Variants in DZIP1 observed in about 807,000 individuals in gnomAD.
DZIP1 encodes the protein cilium assembly protein DZIP1.
Under a neutral mutation model 107.6 loss-of-function variants are expected in DZIP1, and 97 were observed. That is an observed-to-expected ratio of 0.90 (90% CI 0.77 to 1.07). The LOEUF (loss-of-function observed/expected upper bound fraction) is 1.07. Ranked by LOEUF, DZIP1 falls within the 50% of genes least tolerant of loss-of-function variation. DZIP1 has a pLI of 0.00. For synonymous variants in DZIP1, 390 were observed against 386.4 expected, an observed-to-expected ratio of 1.01 and a Z score of -0.11; for missense variants, 1,035 against 1,063.6, an observed-to-expected ratio of 0.97 and a Z score of 0.37.
intron 10 of DZIP1, among the ~76,000 whole-genome samples, chr13:95,613,381 C>T (rs111308390): frequency 3.2e-4 from 48 of 151,950 alleles, no homozygotes; most frequent in South Asian, 1.5e-3. Flanking sequence ...GGTGTGGTGG[C>T]GGGCGCCTGT....
At position 95,629,842 on chromosome 13, in the gene DZIP1, T is replaced by C. The variant is rs531798594; in HGVS notation, c.810+147A>G. 8.5e-5 allele frequency: 62 copies of C among 730,402 alleles called. 1 individual carries two copies. The African/African-American group carries it at 9.5e-4, about 11-fold the overall frequency. 45.2% of individuals were successfully genotyped at this position (730,402 alleles called of 1,614,324 possible). A position where few individuals can be genotyped will look rare whatever the true frequency, so the allele number is the denominator to read the frequency against. ...TCCAGTGATGTGCTTTGTAGTAAGA[T>C]ACTAAAGAGTAGATTGGCAATAAAA... On this transcript the variant is annotated intron_variant, in intron 7 of 22. Coordinates refer to ENST00000376829, the MANE Select transcript of DZIP1 (RefSeq NM_198968.4).
At chr13:95,621,163 G>A (rs150936259) in intron 9 of DZIP1, among the ~76,000 whole-genome samples, 166 of 152,302 alleles carry the variant, frequency 1.1e-3, no homozygotes, top group Non-Finnish European at 1.4e-3. Flanking sequence ...ACTAAAGAAT[G>A]AGTAAAAGAC....
In DZIP1 at chr13:95,581,212, A is replaced by G. The variant is rs544249000; in HGVS notation, c.*1022T>C. 4 of 152,802 alleles carry G rather than the reference A, an allele frequency of 2.6e-5. No homozygotes were observed. Among genetic ancestry groups the G allele is most frequent in the East Asian group, 3.9e-4 (2 of 5,194 alleles). 9.5% of individuals were successfully genotyped at this position (152,802 alleles called of 1,614,324 possible). On this transcript the variant is annotated 3_prime_UTR_variant, in exon 23 of 23. Coordinates refer to ENST00000376829, the MANE Select transcript of DZIP1 (RefSeq NM_198968.4). ...TTAAAAGGTTACTTGGAAACAGAATATAGTATAACCAAGTTATAAAAATGC... is the reference window on the plus strand; with the variant it reads ...TTAAAAGGTTACTTGGAAACAGAATGTAGTATAACCAAGTTATAAAAATGC...
At chr13:95,585,262 G>T (rs1247375460) in intron 21 of DZIP1, among the ~76,000 whole-genome samples, 1 of 152,188 alleles carries the variant, frequency 6.6e-6, no homozygotes, top group African/African-American at 2.4e-5. Flanking sequence ...TTACCTCTGT[G>T]ATAATAATGA....
intron 5 of DZIP1, among the ~76,000 whole-genome samples, chr13:95,639,411 T>C (rs1303743982): frequency 3.9e-5 from 6 of 151,960 alleles, no homozygotes; most frequent in African/African-American, 1.4e-4. Flanking sequence ...GCCAACACGG[T>C]GAAACCTCGT....
Position 95,641,928 on chromosome 13 carries a change from G to T in DZIP1, c.36+66C>A. 1.3e-6 allele frequency: 2 copies of T among 1,490,844 alleles called. No homozygotes were observed. The highest frequency in any genetic ancestry group is 2.7e-5 in the South Asian group (2 of 73,806). The allele number at this position is 1,490,844 out of a possible 1,614,324, so 92.4% of individuals were successfully genotyped here. A position where few individuals can be genotyped will look rare whatever the true frequency, so the allele number is the denominator to read the frequency against. On this transcript the variant is annotated intron_variant, in intron 4 of 22. Coordinates refer to ENST00000376829, the MANE Select transcript of DZIP1 (RefSeq NM_198968.4). This position sits in a 1 kb window ranked among gnomAD's most constrained non-coding sequence, Gnocchi z 4.3. ...GGGCAGGCTGGGGAGCTGGGGGTCCGGGGAAGCCCCGGTTCTCCCCAGCCC... is the reference window on the plus strand; with the variant it reads ...GGGCAGGCTGGGGAGCTGGGGGTCCTGGGAAGCCCCGGTTCTCCCCAGCCC...
At chr13:95,608,660 T>C (rs967036568) in intron 13 of DZIP1, among the ~76,000 whole-genome samples, 2 of 152,204 alleles carry the variant, frequency 1.3e-5, no homozygotes, top group African/African-American at 4.8e-5. Context: ...CCTTAACTAC[T>C]GCTTAACTTC....
chr13:95,607,048 TTTTA>T (rs199848982), intron 13 of DZIP1, among the ~76,000 whole-genome samples: 25 of 76,990 alleles, frequency 3.2e-4, no homozygotes, highest in Admixed American at 1.6e-3. Flanking sequence ...TACTTTTTTA[TTTTA>T]TTTTTTTTTA....
intron 10 of DZIP1, 29 bp downstream of exon 10, chr13:95,619,856 A>T: frequency 2.5e-6 from 4 of 1,607,674 alleles, no homozygotes; most frequent in Non-Finnish European, 3.4e-6. Context: ...AAAATGGCCC[A>T]CTTTAGGCCA....
chr13:95,617,607 G>T (rs901768154), intron 10 of DZIP1, among the ~76,000 whole-genome samples: 1 of 150,806 alleles, frequency 6.6e-6, no homozygotes, highest in African/African-American at 2.4e-5. Flanking sequence ...ATGAAAACCA[G>T]GTATAAAAGA....
chr13:95,582,529 CCT>C (rs1445491624), intron 22 of DZIP1, among the ~76,000 whole-genome samples: 8 of 152,138 alleles, frequency 5.3e-5, no homozygotes, highest in African/African-American at 1.9e-4. Context: ...CACTCAGGAC[CCT>C]TGGATGCAAG....
chr13:95,597,562 T>C (rs1431102728), intron 15 of DZIP1, among the ~76,000 whole-genome samples: 1 of 152,214 alleles, frequency 6.6e-6, no homozygotes, highest in African/African-American at 2.4e-5. Context: ...CTTCAACCTA[T>C]AGGGCTCAGA....
At chr13:95,617,040 T>A (rs1875183894) in intron 10 of DZIP1, among the ~76,000 whole-genome samples, 1 of 151,898 alleles carries the variant, frequency 6.6e-6, no homozygotes, top group South Asian at 2.1e-4. Flanking sequence ...AAACCCCATC[T>A]CTACTAAGAA....
At position 95,586,220 on chromosome 13, in the gene DZIP1, T is replaced by C. The variant is rs948223158; in HGVS notation, c.2219-84A>G. ...TTCCAAAATAACCTTACAGGAAACTTTGAAAGAGTCTAAGCTTTGGAAGTA... is the reference window on the plus strand; with the variant it reads ...TTCCAAAATAACCTTACAGGAAACTCTGAAAGAGTCTAAGCTTTGGAAGTA... On this transcript the variant is annotated intron_variant, in intron 20 of 22. Coordinates refer to ENST00000376829, the MANE Select transcript of DZIP1 (RefSeq NM_198968.4). 8.6e-6 allele frequency: 10 copies of C among 1,166,470 alleles called. No individual in the cohort carries two copies. The African/African-American group carries it at 1.6e-4, about 18-fold the overall frequency. 72.3% of individuals were successfully genotyped at this position (1,166,470 alleles called of 1,614,324 possible).
intron 10 of DZIP1, among the ~76,000 whole-genome samples, chr13:95,619,434 T>C (rs1368035162): frequency 3.9e-5 from 6 of 152,144 alleles, no homozygotes; most frequent in Non-Finnish European, 8.8e-5. Flanking sequence ...TCTTAATCAG[T>C]GGTGGAAGAA....
In DZIP1 at chr13:95,593,860, C is replaced by T. The variant is rs1334431999; in HGVS notation, c.1680+84G>A. On this transcript the variant is annotated intron_variant, in intron 16 of 22. Transcript: ENST00000376829. ...TCCAAACATGGACAGAATTGATGTG[C>T]TTTCTTCTCTTCCATGATCATTTCT... The T allele has an allele frequency of 2.0e-6, 3 of 1,486,506 alleles. No individual in the cohort carries two copies. In the African/African-American group the frequency reaches 4.3e-5, roughly 21 times the overall value. 92.1% of individuals were successfully genotyped at this position (1,486,506 alleles called of 1,614,324 possible).
At chr13:95,602,222 G>A (rs912837997) in intron 14 of DZIP1, among the ~76,000 whole-genome samples, 1 of 152,116 alleles carries the variant, frequency 6.6e-6, no homozygotes, top group Non-Finnish European at 1.5e-5. Flanking sequence ...ACTCTAAACT[G>A]CTAATTCACA....
At chr13:95,605,779 T>A (rs2044753668) in intron 14 of DZIP1, among the ~76,000 whole-genome samples, 1 of 152,238 alleles carries the variant, frequency 6.6e-6, no homozygotes, top group East Asian at 1.9e-4. Context: ...TCTGGCAACC[T>A]TTTATACCTA....
chr13:95,599,627 C>T (rs1394650957), intron 14 of DZIP1, among the ~76,000 whole-genome samples: 1 of 152,134 alleles, frequency 6.6e-6, no homozygotes, highest in East Asian at 1.9e-4. Flanking sequence ...ATGTACTTTC[C>T]ATTAACTACA....
Sources: allele counts gnomAD v4.1 joint callset (sites outside exome capture counted in the v4.1 genomes callset), GRCh38; gene constraint gnomAD v4.1.1; non-coding constraint Gnocchi (gnomAD v3.1); transcripts MANE v1.5; gene names NCBI Gene and HGNC (gene_info 2026-07-23, HGNC 2026-07-21).